The following RFTN2 variants were observed in gnomAD, a reference collection of about 807,000 sequenced individuals.
RFTN2 encodes raftlin family member 2, also known as raftlin-2.
A neutral mutation model predicts 52.7 loss-of-function variants in RFTN2; 34 were observed. The observed-to-expected ratio is 0.64, with a 90% confidence interval of 0.49 to 0.86. RFTN2 has a LOEUF of 0.86. RFTN2 is among the 40% of genes least tolerant of loss of function. The pLI is 0.00. For missense variants in RFTN2, 536 were observed against 600.1 expected (o/e 0.89, Z 1.12); for synonymous variants, 203 against 217.7 (o/e 0.93, Z 0.59).
intron 5 of RFTN2, among the ~76,000 whole-genome samples, chr2:197,628,194 T>C (rs534616524): frequency 2.6e-4 from 39 of 152,264 alleles, no homozygotes; most frequent in Admixed American, 5.9e-4. Context: ...GCAACTTCCC[T>C]GTGTACTCCC....
At chr2:197,625,263 A>G (rs1249310513) in intron 5 of RFTN2, among the ~76,000 whole-genome samples, 1 of 152,208 alleles carries the variant, frequency 6.6e-6, no homozygotes, top group East Asian at 1.9e-4. Context: ...TCCTTGGCAC[A>G]AGGCTGAATA....
At chr2:197,628,926 G>A (rs942072755) in intron 5 of RFTN2, among the ~76,000 whole-genome samples, 1 of 152,178 alleles carries the variant, frequency 6.6e-6, no homozygotes, top group Non-Finnish European at 1.5e-5. Context: ...TTTAAACCTT[G>A]GTCTGTCTGA....
chr2:197,644,189 G>A lies in RFTN2; in HGVS notation c.407C>T (p.Thr136Ile), dbSNP rs774984831. Residue 136 changes from threonine to isoleucine, a missense_variant, in exon 3 of 9, where the codon ACA becomes ATA. Coordinates refer to ENST00000295049, the MANE Select transcript of RFTN2 (RefSeq NM_144629.3). Reference sequence around the variant, plus strand: ...TATCAGTTCTTTTGCTGCGTCATTTGTTTGTGCCTCAGAAGTTAGGGGACA... The same window carrying A: ...TATCAGTTCTTTTGCTGCGTCATTTATTTGTGCCTCAGAAGTTAGGGGACA... The part of the protein sequence containing the change: ...EECPLTSEAQ[T>I]NDAAKELIEK... The A allele has an allele frequency of 1.2e-6, 2 of 1,611,662 alleles. No homozygotes were observed. The highest frequency in any genetic ancestry group is 1.7e-6 in the Non-Finnish European group (2 of 1,177,876).
At position 197,633,817 on chromosome 2, in the gene RFTN2, A is replaced by G. The variant is rs1484163248; in HGVS notation, c.619T>C (p.Ser207Pro). The G allele has an allele frequency of 1.9e-6, 3 of 1,613,774 alleles. No homozygotes were observed. The East Asian group carries it at 6.7e-5, about 36-fold the overall frequency. The change falls in exon 4 of 9, where the codon TCT becomes CCT. Residue 207 changes from serine (S) to proline (P), a missense_variant. By Grantham distance (74) the Ser-to-Pro change is moderately conservative (BLOSUM62 -1). Transcript: ENST00000295049. ...AGTTCTTCCTCAATTCCGCTTTCAG[A>G]TGACTGCCCACTTAACGTCCCTTCA... The part of the protein sequence containing the change: ...WNEGTLSGQS[S>P]ESGIEEELHH...
chr2:197,615,388 G>C (rs1048181236), intron 7 of RFTN2, among the ~76,000 whole-genome samples: 1 of 152,166 alleles, frequency 6.6e-6, no homozygotes, highest in Non-Finnish European at 1.5e-5. Flanking sequence ...TGACTTACTT[G>C]GTCTCTGTTT....
chr2:197,651,509 C>T (rs903476863), intron 1 of RFTN2, among the ~76,000 whole-genome samples: 1 of 152,134 alleles, frequency 6.6e-6, no homozygotes, highest in African/African-American at 2.4e-5. Context: ...ATCCCAGCTA[C>T]TTGGGAGGCT....
chr2:197,623,507 C>G (rs900066521), intron 5 of RFTN2, among the ~76,000 whole-genome samples: 1 of 152,150 alleles, frequency 6.6e-6, no homozygotes, highest in Non-Finnish European at 1.5e-5. Context: ...GAGATGGAGT[C>G]TCACTCTGTT....
intron 1 of RFTN2, among the ~76,000 whole-genome samples, chr2:197,665,595 C>A (rs1353661480): frequency 7.3e-6 from 1 of 136,100 alleles, no homozygotes; most frequent in African/African-American, 2.8e-5. Context: ...TACCTGTTCA[C>A]TTCTGGTTTC....
intron 7 of RFTN2, among the ~76,000 whole-genome samples, chr2:197,596,273 A>C (rs1178123968): frequency 6.6e-6 from 1 of 152,128 alleles, no homozygotes; most frequent in East Asian, 1.9e-4. Flanking sequence ...AACAGGAAAA[A>C]CCCCTAAAAA....
intron 7 of RFTN2, among the ~76,000 whole-genome samples, chr2:197,606,574 T>G (rs1251227429): frequency 6.6e-6 from 1 of 152,006 alleles, no homozygotes; most frequent in Non-Finnish European, 1.5e-5. Context: ...TTTCGCAACC[T>G]ACTCATCTGA....
At chr2:197,586,041 A>G (rs950640099) in intron 8 of RFTN2, among the ~76,000 whole-genome samples, 1 of 152,084 alleles carries the variant, frequency 6.6e-6, no homozygotes, top group African/African-American at 2.4e-5. Context: ...TACACACACC[A>G]CTGAAACAAT....
intron 1 of RFTN2, among the ~76,000 whole-genome samples, chr2:197,649,648 C>T (rs1478368816): frequency 6.6e-6 from 1 of 152,090 alleles, no homozygotes; most frequent in Non-Finnish European, 1.5e-5. Context: ...TACCTTAGCA[C>T]CACTGATTGG....
chr2:197,629,267 A>G (rs1402142896), intron 5 of RFTN2, among the ~76,000 whole-genome samples: 1 of 152,076 alleles, frequency 6.6e-6, no homozygotes, highest in Admixed American at 6.6e-5. Flanking sequence ...ATGCAGCCAT[A>G]AAAAAGGATG....
chr2:197,581,036 G>C (rs1028069766), intron 8 of RFTN2, among the ~76,000 whole-genome samples: 2 of 151,934 alleles, frequency 1.3e-5, no homozygotes, highest in Middle Eastern at 3.4e-3. Flanking sequence ...TCCCTCCCTG[G>C]CAACCAATCA....
Position 197,570,992 on chromosome 2 carries a change from G to T in RFTN2, c.*1016C>A, listed in dbSNP as rs971847593. The T allele has an allele frequency of 1.3e-5, 2 of 152,230 alleles. No individual in the cohort carries two copies. Among genetic ancestry groups the T allele is most frequent in the Admixed American group, 6.5e-5 (1 of 15,268 alleles). The allele number at this position is 152,230 out of a possible 1,614,324, so 9.4% of individuals were successfully genotyped here. On this transcript the variant is annotated 3_prime_UTR_variant, in exon 9 of 9. Transcript: ENST00000295049. ...TGTAGAATTTTAAAGATTGTTAAAGGCTGGGTCAAGGCAAAGCCACCTCTA... is the reference window on the plus strand; with the variant it reads ...TGTAGAATTTTAAAGATTGTTAAAGTCTGGGTCAAGGCAAAGCCACCTCTA...
rs1298490986 is a variant in RFTN2, at chr2:197,615,966, T to C, written c.1064A>G (p.Lys355Arg). Reference protein sequence around the residue: ...QWTVIEGCEIKTDYGPLLHTL... With the variant: ...QWTVIEGCEIRTDYGPLLHTL... ...GTGCAGCAGAGGGCCATAATCTGTT[T>C]TGATTTCACATCCCTGCATGAATAA... The change falls in exon 7 of 9, where the codon AAA becomes AGA. Residue 355 changes from lysine to arginine, a missense_variant. Physicochemically the swap from Lys to Arg is conservative, Grantham distance 26. Transcript: ENST00000295049. The C allele has an allele frequency of 6.4e-7, 1 of 1,552,382 alleles. No individual in the cohort carries two copies. Among genetic ancestry groups the C allele is most frequent in the Non-Finnish European group, 8.7e-7 (1 of 1,145,542 alleles).
At chr2:197,617,258 G>A (rs60304832) in intron 6 of RFTN2, among the ~76,000 whole-genome samples, 2,761 of 152,164 alleles carry the variant, frequency 0.018, 84 homozygotes, top group African/African-American at 0.064. Flanking sequence ...GATGTTTTTT[G>A]GCTTAAAATT....
intron 1 of RFTN2, among the ~76,000 whole-genome samples, chr2:197,648,956 T>C (rs1034342298): frequency 6.6e-6 from 1 of 152,240 alleles, no homozygotes; most frequent in Non-Finnish European, 1.5e-5. Context: ...GACTGAGAAT[T>C]CCTTAAGGGA....
At chr2:197,602,949 C>A (rs189576148) in intron 7 of RFTN2, among the ~76,000 whole-genome samples, 1 of 152,164 alleles carries the variant, frequency 6.6e-6, no homozygotes, top group Non-Finnish European at 1.5e-5. Flanking sequence ...TGGAAACCAT[C>A]ATTCTCAGCA....
Sources: gnomAD v4.1 joint callset for allele counts (sites outside exome capture counted in the v4.1 genomes callset) on GRCh38, gnomAD v4.1.1 for gene constraint, MANE v1.5 for transcripts, NCBI Gene and HGNC (gene_info 2026-07-23, HGNC 2026-07-21) for gene names.